PIEZO1: variants seen among roughly 807,000 people sequenced by gnomAD.
PIEZO1 encodes the protein piezo type mechanosensitive ion channel component 1 (Er blood group).
In PIEZO1, 296 loss-of-function variants were observed where a neutral mutation model predicts 297.2. That is an observed-to-expected ratio of 1.00 (90% CI 0.91 to 1.10). The LOEUF is 1.10. Among genes scored for constraint, PIEZO1 ranks in the 50% least tolerant of loss-of-function variants. The probability of loss-of-function intolerance (pLI) is 0.00; values close to 1 mark genes in which losing one functional copy is unlikely to be tolerated. For missense variants in PIEZO1, 5,018 were observed against 3,455.5 expected (o/e 1.45, Z -11.34); for synonymous variants, 2,427 against 1,507.5 (o/e 1.61, Z -14.13).
chr16:88,780,684 G>A (rs1278912214), intron 1 of PIEZO1, among the ~76,000 whole-genome samples: 1 of 152,244 alleles, frequency 6.6e-6, no homozygotes, highest in Non-Finnish European at 1.5e-5. Flanking sequence ...CTGTCAGCCG[G>A]GCGCGGTGGC....
At chr16:88,747,928 T>C (rs1033176538) in intron 2 of PIEZO1, among the ~76,000 whole-genome samples, 2 of 152,110 alleles carry the variant, frequency 1.3e-5, no homozygotes, top group African/African-American at 4.8e-5. Flanking sequence ...CTGGAGCAGC[T>C]GGAAGAGGAA....
At chr16:88,746,585 G>A (rs58865364) in intron 2 of PIEZO1, among the ~76,000 whole-genome samples, 16,701 of 152,162 alleles carry the variant, frequency 0.11, 912 homozygotes, top group Middle Eastern at 0.17. Flanking sequence ...CCAGGGCCAC[G>A]CCAAGCCCAG....
chr16:88,718,586 T>G (rs535016143), intron 44 of PIEZO1: 13 of 152,386 alleles, frequency 8.5e-5, no homozygotes, highest in African/African-American at 3.1e-4. Context: ...GGACAAACGC[T>G]GTCTGAGCCT....
At position 88,722,405 on chromosome 16, in the gene PIEZO1, G is replaced by C; in HGVS notation, c.4776-8C>G. ...TCCTCCGCGCCCAGCCCACTGGGGA[G>C]GGAAGCCGAGTCACAGAGAATCCTG... On this transcript the variant is annotated splice_region_variant and splice_polypyrimidine_tract_variant and intron_variant, in intron 35 of 50. Transcript: ENST00000301015. 6.7e-7 allele frequency: 1 copy of C among 1,487,408 alleles called. No individual in the cohort carries two copies. The highest frequency in any genetic ancestry group is 9.0e-7 in the Non-Finnish European group (1 of 1,114,528). The allele number at this position is 1,487,408 out of a possible 1,614,324, so 92.1% of individuals were successfully genotyped here.
intron 1 of PIEZO1, among the ~76,000 whole-genome samples, chr16:88,758,071 G>A (rs1276478784): frequency 1.3e-5 from 2 of 152,182 alleles, no homozygotes; most frequent in Non-Finnish European, 2.9e-5. Flanking sequence ...TGGGGACAGA[G>A]CAGCTGAATC....
intron 30 of PIEZO1, among the ~76,000 whole-genome samples, 200 bp from the exon 31 acceptor site, chr16:88,724,171 G>C (rs1904308152): frequency 6.6e-6 from 1 of 152,238 alleles, no homozygotes; most frequent in South Asian, 2.1e-4. Context: ...GCCAGCGCGG[G>C]CTGGGGTGCA....
At chr16:88,748,474 A>AG (rs79340391) in intron 2 of PIEZO1, among the ~76,000 whole-genome samples, 53,298 of 137,718 alleles carry the variant, frequency 0.39, 9,913 homozygotes, top group South Asian at 0.5. Flanking sequence ...GTGGTTCCCA[A>AG]GGGGGGTCTC....
At chr16:88,749,155 G>A (rs1358107853) in intron 2 of PIEZO1, among the ~76,000 whole-genome samples, 1 of 150,150 alleles carries the variant, frequency 6.7e-6, no homozygotes, top group Non-Finnish European at 1.5e-5. Context: ...CAGGAGAATG[G>A]CGTGAACCTG....
chr16:88,778,982 G>T (rs1211047408), intron 1 of PIEZO1, among the ~76,000 whole-genome samples: 3 of 152,078 alleles, frequency 2.0e-5, no homozygotes, highest in African/African-American at 7.2e-5. Flanking sequence ...GGGAACAGGG[G>T]AGGACAGAGG....
rs989151361 is a variant in PIEZO1 at position 88,733,086 on chromosome 16, G to T, written c.2664+192C>A. 8 of 610,808 alleles carry T rather than the reference G, an allele frequency of 1.3e-5. No homozygotes were observed. The African/African-American group carries it at 1.5e-4, about 11-fold the overall frequency. The allele number at this position is 610,808 out of a possible 1,614,324, so 37.8% of individuals were successfully genotyped here. ...CCCTACTGGACACCCTTGTGTGCAG[G>T]GAGTGCGCCCCTGGTCCACAGTTGA... On this transcript the variant is annotated intron_variant, in intron 19 of 50. Coordinates refer to ENST00000301015, the MANE Select transcript of PIEZO1 (RefSeq NM_001142864.4).
At chr16:88,732,919 G>A (rs913093392) in intron 19 of PIEZO1, 187 bp from the exon 20 acceptor site, 54 of 625,872 alleles carry the variant, frequency 8.6e-5, no homozygotes, top group South Asian at 3.0e-4. Context: ...GGGAGACCAC[G>A]GGCAGGGGCT....
In PIEZO1 at chr16:88,735,153, C is replaced by A; in HGVS notation, c.1651G>T (p.Val551Phe). ...WAESPAALTE[V>F]TVADTEPTRT... ...CACTCACCTGTGTCTGCCACGGTGA[C>A]CTCCGTCAGCGCAGCTGGAGACTCT... The change falls in exon 13 of 51, where the codon GTC becomes TTC. Residue 551 changes from valine to phenylalanine, a missense_variant. Val to Phe is a conservative substitution (Grantham distance 50). Coordinates refer to ENST00000301015, the MANE Select transcript of PIEZO1 (RefSeq NM_001142864.4). 1.3e-6 allele frequency: 2 copies of A among 1,550,248 alleles called. No homozygotes were observed. Among genetic ancestry groups the A allele is most frequent in the Non-Finnish European group, 1.7e-6 (2 of 1,146,814 alleles).
At chr16:88,753,966 CCCTGT>C (rs1352232770) in intron 1 of PIEZO1, among the ~76,000 whole-genome samples, 1 of 152,230 alleles carries the variant, frequency 6.6e-6, no homozygotes, top group Non-Finnish European at 1.5e-5. Flanking sequence ...GCCTGCCCTG[CCCTGT>C]GGCTCCCATG....
At chr16:88,738,206 G>T in intron 7 of PIEZO1, 21 bp downstream of exon 7, 1 of 1,534,716 alleles carries the variant, frequency 6.5e-7, no homozygotes, top group Non-Finnish European at 8.7e-7. Context: ...AGGAAAAAGG[G>T]GCTGTGTGGC....
chr16:88,744,769 G>C (rs936530296), intron 2 of PIEZO1, among the ~76,000 whole-genome samples: 2 of 151,944 alleles, frequency 1.3e-5, no homozygotes, highest in Non-Finnish European at 2.9e-5. Context: ...GCCGCAGCTG[G>C]GCCTGGAGGC....
chr16:88,720,575 C>T, intron 40 of PIEZO1, 41 bp downstream of exon 40: 1 of 1,543,478 alleles, frequency 6.5e-7, no homozygotes. Context: ...ACCCGCCTCC[C>T]CACCCCCACT....
rs1908113276 is a variant in PIEZO1, at chr16:88,784,937, G to A, written c.28C>T (p.Leu10=). Residue 10 remains leucine, a synonymous_variant, in exon 1 of 51, where the codon CTG becomes TTG. Coordinates refer to ENST00000301015, the MANE Select transcript of PIEZO1 (RefSeq NM_001142864.4). MEPHVLGAV[L]YWLLLPCALL... ...GCGCAGGGCAGCAGCAGCCAGTACA[G>A]GACCGCGCCGAGCACGTGCGGCTCC... The A allele has an allele frequency of 1.4e-6, 2 of 1,400,486 alleles. No individual in the cohort carries two copies. The highest frequency in any genetic ancestry group is 1.9e-6 in the Non-Finnish European group (2 of 1,070,348). 86.8% of individuals were successfully genotyped at this position (1,400,486 alleles called of 1,614,324 possible).
Position 88,715,369 on chromosome 16 carries a change from T to TTTTAA in PIEZO1, c.*231_*235dup, listed in dbSNP as rs987739634. The TTTTAA allele has an allele frequency of 1.6e-6, 2 of 1,215,526 alleles. No individual in the cohort carries two copies. The highest frequency in any genetic ancestry group is 2.7e-5 in the Admixed American group (1 of 36,972). 75.3% of individuals were successfully genotyped at this position (1,215,526 alleles called of 1,614,324 possible). A position where few individuals can be genotyped will look rare whatever the true frequency, so the allele number is the denominator to read the frequency against. The stretch of plus-strand genomic sequence containing the variant: ...TGTCCATTTGTATAAATAAAACATT[T>TTTTAA]TTTAATTAAAAAAAAAACTCTACAG... On this transcript the variant is annotated 3_prime_UTR_variant, in exon 51 of 51. Transcript: ENST00000301015.
chr16:88,732,366 A>T lies in PIEZO1; in HGVS notation c.2960T>A (p.Ile987Asn). The change falls in exon 21 of 51, where the codon ATC (isoleucine) becomes AAC (asparagine). Residue 987 changes from isoleucine to asparagine, a missense_variant. Physicochemically the swap from Ile to Asn is moderately radical, Grantham distance 149 (BLOSUM62 -3). Transcript: ENST00000301015. ...QDLLGCLKYF[I>N]NFFFYKFGLE... ...CCCGAATTTGTAGAAGAAGAAGTTG[A>T]TGAAGTACTTGAGGCAGCCGAGCAG... is the stretch of plus-strand genomic sequence containing the variant. 6.5e-7 allele frequency: 1 copy of T among 1,549,614 alleles called. No homozygotes were observed. Among genetic ancestry groups the T allele is most frequent in the Non-Finnish European group, 8.7e-7 (1 of 1,146,426 alleles).
Sources: gnomAD v4.1 joint callset for allele counts (sites outside exome capture counted in the v4.1 genomes callset) on GRCh38, gnomAD v4.1.1 for gene constraint, MANE v1.5 for transcripts, NCBI Gene and HGNC (gene_info 2026-07-23, HGNC 2026-07-21) for gene names.